Variants in SDK2 observed in about 807,000 individuals in gnomAD.
SDK2 encodes protein sidekick-2.
In SDK2, 105 loss-of-function variants were observed where a neutral mutation model predicts 253.9. The ratio of observed to expected loss-of-function variants is 0.41; its 90% CI spans 0.35 to 0.49. The LOEUF (loss-of-function observed/expected upper bound fraction) is 0.49. Ranked by LOEUF, SDK2 falls within the 20% of genes least tolerant of loss-of-function variation. The pLI is 0.06. For synonymous variants in SDK2, 1,249 were observed against 1,234.9 expected (o/e 1.01, Z -0.24); for missense variants, 2,608 against 3,003.0 (o/e 0.87, Z 3.07).
chr17:73,419,710 A>G, intron 15 of SDK2, among the ~76,000 whole-genome samples: 1 of 72,536 alleles, frequency 1.4e-5, no homozygotes, highest in Non-Finnish European at 3.6e-5. Flanking sequence ...TCTCTACCAA[A>G]AAAAACAACA....
rs923273644 is a variant in SDK2 at position 73,338,197 on chromosome 17, G to A, written c.*390C>T. ...AGGGGCTGGAAGGGGGCAGCTGGCT[G>A]GACATCCAGAAGCTTTTTCTTCCCT... is the stretch of plus-strand genomic sequence containing the variant. On this transcript the variant is annotated 3_prime_UTR_variant, in exon 45 of 45. Transcript: ENST00000392650. The surrounding 1 kb of genome is among the most constrained non-coding windows in gnomAD (Gnocchi z 5.0). 1 of 353,218 alleles carries A rather than the reference G, an allele frequency of 2.8e-6. No homozygotes were observed. Among genetic ancestry groups the A allele is most frequent in the Non-Finnish European group, 5.5e-6 (1 of 181,272 alleles). The allele number at this position is 353,218 out of a possible 1,614,324, so 21.9% of individuals were successfully genotyped here.
chr17:73,456,873 G>T (rs958987141), intron 3 of SDK2, among the ~76,000 whole-genome samples: 12 of 152,200 alleles, frequency 7.9e-5, no homozygotes, highest in Non-Finnish European at 1.3e-4. Context: ...GGTTTGGGAA[G>T]GGGTATTTGT....
chr17:73,565,526 A>G (rs1301238695), intron 1 of SDK2, among the ~76,000 whole-genome samples: 4 of 152,276 alleles, frequency 2.6e-5, no homozygotes, highest in Non-Finnish European at 2.9e-5. Context: ...AACAGCTATT[A>G]TAACTATCCT....
chr17:73,408,303 T>TGCCTCCCGGGATCACGCCATTCTCC (rs1417266097), intron 18 of SDK2, among the ~76,000 whole-genome samples: 1 of 151,162 alleles, frequency 6.6e-6, no homozygotes, highest in African/African-American at 2.4e-5. Context: ...CGGCAACCTC[T>TGCCTCCCGGGATCACGCCATTCTCC]GCCTCCCGGG....
At chr17:73,355,174 A>ATATTATTTTTTTT in intron 40 of SDK2, among the ~76,000 whole-genome samples, 1 of 47,224 alleles carries the variant, frequency 2.1e-5, no homozygotes. Flanking sequence ...ATATATATAT[A>ATATTATTTTTTTT]TTTTTTTTTT....
intron 18 of SDK2, among the ~76,000 whole-genome samples, chr17:73,413,410 AG>A (rs2063155432): frequency 6.6e-6 from 1 of 152,088 alleles, no homozygotes; most frequent in Non-Finnish European, 1.5e-5. Flanking sequence ...TGATAGTAAC[AG>A]AAATAAAGTG....
At chr17:73,409,833 G>GTGTC (rs2063111088) in intron 18 of SDK2, among the ~76,000 whole-genome samples, 4 of 63,368 alleles carry the variant, frequency 6.3e-5, no homozygotes, top group African/African-American at 2.4e-4. Context: ...CTCTCTCTCT[G>GTGTC]TGTCTGTCTG....
intron 38 of SDK2, among the ~76,000 whole-genome samples, chr17:73,362,818 C>T (rs571137718): frequency 1.3e-5 from 2 of 152,366 alleles, no homozygotes; most frequent in Non-Finnish European, 2.9e-5. Flanking sequence ...CCAAATACTC[C>T]TGACTGCCAG....
In SDK2 at chr17:73,350,671, ACTTCTTGCT is replaced by A. The variant is rs750289460; in HGVS notation, c.5869_5877del (p.Ser1957_Lys1959del). 1 of 1,612,642 alleles carries A rather than the reference ACTTCTTGCT, an allele frequency of 6.2e-7. No individual in the cohort carries two copies. Among genetic ancestry groups the A allele is most frequent in the South Asian group, 1.1e-5 (1 of 90,982 alleles). On this transcript the variant is annotated inframe_deletion, in exon 42 of 45. Transcript: ENST00000392650. ...TCACCCGAGTCTGTCTTCTTGGCGT[ACTTCTTGCT>A]CTGGCCCCGGATGATGAGCACGAAG...
Position 73,379,632 on chromosome 17 carries a change from C to A in SDK2, c.4763-83G>T. ...GTGTCCCCAGGGAGGGTGGAGGCTG[C>A]AGGGGGAGGAATGAGGCACCCCCGC... On this transcript the variant is annotated intron_variant, in intron 34 of 44. Coordinates refer to ENST00000392650, the MANE Select transcript of SDK2 (RefSeq NM_001144952.2). This position sits in a 1 kb window ranked among gnomAD's most constrained non-coding sequence, Gnocchi z 4.5. 2 of 802,062 alleles carry A rather than the reference C, an allele frequency of 2.5e-6. No individual in the cohort carries two copies. The highest frequency in any genetic ancestry group is 2.0e-6 in the Non-Finnish European group (1 of 491,838). 49.7% of individuals were successfully genotyped at this position (802,062 alleles called of 1,614,324 possible). A position where few individuals can be genotyped will look rare whatever the true frequency, so the allele number is the denominator to read the frequency against.
chr17:73,386,412 T>G, intron 31 of SDK2, 33 bp downstream of exon 31: 1 of 1,420,866 alleles, frequency 7.0e-7, no homozygotes, highest in Non-Finnish European at 9.7e-7. Context: ...GCCAGTGGGC[T>G]GAGAGAGAGA....
intron 1 of SDK2, among the ~76,000 whole-genome samples, chr17:73,615,480 A>G (rs1370784856): frequency 1.3e-5 from 2 of 152,122 alleles, no homozygotes; most frequent in South Asian, 4.2e-4. Context: ...TTTGCATAAC[A>G]CTTAGAGAAC....
rs1449744409 is a variant in SDK2 at position 73,455,371 on chromosome 17, CAG to C, written c.479+533_479+534del. Among the ~76,000 whole-genome samples, 1 of 152,190 alleles carries C rather than the reference CAG, an allele frequency of 6.6e-6. No homozygotes were observed. The highest frequency in any genetic ancestry group is 1.5e-5 in the Non-Finnish European group (1 of 68,010). ...GCCCCAGCCAATCCCAGGGGGCACA[CAG>C]AGACGGCCTTGTGAACACTCAGAGG... On this transcript the variant is annotated intron_variant, in intron 4 of 44. Coordinates refer to ENST00000392650, the MANE Select transcript of SDK2 (RefSeq NM_001144952.2). The surrounding 1 kb of genome is among the most constrained non-coding windows in gnomAD (Gnocchi z 5.0).
rs1491341351 is a variant in SDK2, at chr17:73,408,045, TCC to T, written c.2485-5906_2485-5905del. Among the ~76,000 whole-genome samples, 120 of 106,228 alleles carry T rather than the reference TCC, an allele frequency of 1.1e-3. 4 individuals are homozygous for T. Among genetic ancestry groups the T allele is most frequent in the Middle Eastern group, 5.1e-3 (1 of 196 alleles). 69.7% of individuals were successfully genotyped at this position (106,228 alleles called of 152,430 possible). ...AACACCATCTAGGAAGTAAAATATT[TCC>T]TTTTTTTTTTTTTTTTTCTTTTGAG... On this transcript the variant is annotated intron_variant, in intron 18 of 44. Transcript: ENST00000392650.
intron 28 of SDK2, among the ~76,000 whole-genome samples, chr17:73,391,024 G>A (rs187945854): frequency 8.5e-5 from 13 of 152,346 alleles, no homozygotes; most frequent in African/African-American, 2.6e-4. Flanking sequence ...CTGGGTGTGT[G>A]TATTGGGGGA....
At chr17:73,537,811 T>C (rs529453741) in intron 1 of SDK2, among the ~76,000 whole-genome samples, 1 of 152,270 alleles carries the variant, frequency 6.6e-6, no homozygotes, top group East Asian at 1.9e-4. Context: ...TGCTCTTCTA[T>C]TGTCTTGCCA....
rs542495050 is a variant in SDK2 at position 73,551,180 on chromosome 17, G to A, written c.65-43583C>T. 1.2e-4 allele frequency among the ~76,000 whole-genome samples: 18 copies of A among 152,276 alleles called. No homozygotes were observed. The South Asian group carries it at 3.1e-3, about 26-fold the overall frequency. Reference sequence around the variant, plus strand: ...AAAGCACGCTAGCCGGGGACTCCACGCGCACCTTGTCTTCCCTCCCACACT... The same window carrying A: ...AAAGCACGCTAGCCGGGGACTCCACACGCACCTTGTCTTCCCTCCCACACT... On this transcript the variant is annotated intron_variant, in intron 1 of 44. Transcript: ENST00000392650.
chr17:73,517,742 C>T (rs2064041188), intron 1 of SDK2: 2 of 152,278 alleles, frequency 1.3e-5, no homozygotes, highest in Admixed American at 6.5e-5. Context: ...CAGAAGGCAG[C>T]ATGGCAGAGA....
intron 1 of SDK2, among the ~76,000 whole-genome samples, chr17:73,524,307 C>T (rs1387968596): frequency 6.6e-6 from 1 of 152,196 alleles, no homozygotes; most frequent in Non-Finnish European, 1.5e-5. Context: ...ACCCCTTCCC[C>T]AGAGGCTGGA....
Sources: gnomAD v4.1 joint callset for allele counts (sites outside exome capture counted in the v4.1 genomes callset) on GRCh38, gnomAD v4.1.1 for gene constraint, Gnocchi (gnomAD v3.1) non-coding constraint, MANE v1.5 for transcripts, NCBI Gene and HGNC (gene_info 2026-07-23, HGNC 2026-07-21) for gene names.